The following FAM89A variants were observed in gnomAD, a reference collection of about 807,000 sequenced individuals.
FAM89A encodes protein FAM89A.
In FAM89A, 10 loss-of-function variants were observed where a neutral mutation model predicts 7.1. The observed-to-expected ratio is 1.40, with a 90% confidence interval of 0.86 to 2.38. FAM89A has a LOEUF of 2.38. FAM89A is among the 30% of genes most tolerant of loss of function. The probability of loss-of-function intolerance (pLI) is 0.00; values close to 1 mark genes in which losing one functional copy is unlikely to be tolerated. For missense variants in FAM89A, 276 were observed against 262.8 expected (o/e 1.05, Z -0.35); for synonymous variants, 157 against 129.3 (o/e 1.21, Z -1.45).
chr1:231,023,282 T>C (rs911660417), intron 1 of FAM89A, among the ~76,000 whole-genome samples: 8 of 152,092 alleles, frequency 5.3e-5, no homozygotes, highest in African/African-American at 1.9e-4. Flanking sequence ...GCTCCATAGG[T>C]TATGACTGGT....
Position 231,040,142 on chromosome 1 carries a change from G to A in FAM89A, c.70C>T (p.Leu24=). 1.5e-6 allele frequency: 2 copies of A among 1,336,856 alleles called. No homozygotes were observed. The highest frequency in any genetic ancestry group is 2.7e-5 in the Admixed American group (1 of 37,120). 82.8% of individuals were successfully genotyped at this position (1,336,856 alleles called of 1,614,324 possible). A position where few individuals can be genotyped will look rare whatever the true frequency, so the allele number is the denominator to read the frequency against. The change falls in exon 1 of 2, where the codon CTG becomes TTG. Residue 24 remains leucine (L), a synonymous_variant. Transcript: ENST00000366654. ...GAVRGLRVDG[L]PPLPKSLSGL... ...CTCAAGCTCTTTGGCAGCGGGGGCA[G>A]CCCGTCCACCCGCAGCCCCCGGACC...
At chr1:231,023,966 A>G (rs1314373585) in intron 1 of FAM89A, among the ~76,000 whole-genome samples, 1 of 152,250 alleles carries the variant, frequency 6.6e-6, no homozygotes, top group East Asian at 1.9e-4. Flanking sequence ...GTTAATTATA[A>G]AAGTTGTGTA....
At position 231,039,901 on chromosome 1, in the gene FAM89A, G is replaced by C. The variant is rs1219608400; in HGVS notation, c.291+20C>G. On this transcript the variant is annotated intron_variant, in intron 1 of 1. Coordinates refer to ENST00000366654, the MANE Select transcript of FAM89A (RefSeq NM_198552.3). ...GCGAGCCCGGCCGGGAAGAGCCCCAGCTCGCGGAGCCCCACTCACCATCTC... is the reference window on the plus strand; with the variant it reads ...GCGAGCCCGGCCGGGAAGAGCCCCACCTCGCGGAGCCCCACTCACCATCTC... 4.6e-6 allele frequency: 6 copies of C among 1,290,512 alleles called. No homozygotes were observed. The highest frequency in any genetic ancestry group is 5.9e-6 in the Non-Finnish European group (6 of 1,020,846). 79.9% of individuals were successfully genotyped at this position (1,290,512 alleles called of 1,614,324 possible).
chr1:231,029,083 A>C (rs2103073673), intron 1 of FAM89A, among the ~76,000 whole-genome samples: 1 of 152,354 alleles, frequency 6.6e-6, no homozygotes, highest in South Asian at 2.1e-4. Flanking sequence ...GGACAATAGA[A>C]ATATGACCAC....
At chr1:231,036,935 C>T (rs1466998579) in intron 1 of FAM89A, among the ~76,000 whole-genome samples, 4 of 152,244 alleles carry the variant, frequency 2.6e-5, no homozygotes, top group Admixed American at 6.5e-5. Flanking sequence ...GCTTCAAAAC[C>T]TTGCTAACTG....
At chr1:231,038,612 T>C (rs922798118) in intron 1 of FAM89A, among the ~76,000 whole-genome samples, 3 of 152,260 alleles carry the variant, frequency 2.0e-5, no homozygotes, top group Non-Finnish European at 4.4e-5. Flanking sequence ...AACGGTTGGC[T>C]TGGAATTTAA....
At chr1:231,028,954 C>T (rs1680022398) in intron 1 of FAM89A, among the ~76,000 whole-genome samples, 1 of 152,194 alleles carries the variant, frequency 6.6e-6, no homozygotes, top group African/African-American at 2.4e-5. Flanking sequence ...ACAGTAGGCT[C>T]CACATACAAA....
intron 1 of FAM89A, among the ~76,000 whole-genome samples, chr1:231,032,172 A>G (rs1680081900): frequency 6.6e-6 from 1 of 152,232 alleles, no homozygotes; most frequent in East Asian, 1.9e-4. Flanking sequence ...TACTGCAAAC[A>G]TTTTACATCC....
chr1:231,037,615 A>G (rs751205320), intron 1 of FAM89A, among the ~76,000 whole-genome samples: 22 of 152,148 alleles, frequency 1.4e-4, no homozygotes, highest in Non-Finnish European at 2.8e-4. Context: ...TTCAAAGTCC[A>G]ACTGGGATAA....
At chr1:231,035,037 C>T (rs912085313) in intron 1 of FAM89A, among the ~76,000 whole-genome samples, 1 of 152,184 alleles carries the variant, frequency 6.6e-6, no homozygotes, top group African/African-American at 2.4e-5. Flanking sequence ...TCCCCTTATT[C>T]TAAATGGCAC....
chr1:231,023,514 T>G (rs1679915290), intron 1 of FAM89A, among the ~76,000 whole-genome samples: 1 of 152,218 alleles, frequency 6.6e-6, no homozygotes, highest in South Asian at 2.1e-4. Context: ...GTGAAACATC[T>G]TCAGGGTGGG....
At chr1:231,025,036 C>G (rs1679941024) in intron 1 of FAM89A, among the ~76,000 whole-genome samples, 1 of 150,476 alleles carries the variant, frequency 6.6e-6, no homozygotes, top group Non-Finnish European at 1.5e-5. Context: ...CATTCTCCTG[C>G]CTCAGCCTCC....
At chr1:231,039,070 C>T (rs1680206034) in intron 1 of FAM89A, among the ~76,000 whole-genome samples, 1 of 152,164 alleles carries the variant, frequency 6.6e-6, no homozygotes, top group Non-Finnish European at 1.5e-5. Flanking sequence ...GCCTGGCCTA[C>T]GCCTGGCCGA....
intron 1 of FAM89A, among the ~76,000 whole-genome samples, chr1:231,035,777 T>C (rs1572358562): frequency 6.6e-6 from 1 of 152,212 alleles, no homozygotes; most frequent in East Asian, 1.9e-4. Flanking sequence ...AAAGTATTTT[T>C]ATATAGAACG....
At chr1:231,035,882 T>G (rs1680150378) in intron 1 of FAM89A, among the ~76,000 whole-genome samples, 1 of 152,234 alleles carries the variant, frequency 6.6e-6, no homozygotes, top group South Asian at 2.1e-4. Context: ...TCCATCCACA[T>G]GCTCACACCA....
chr1:231,034,413 T>A (rs766317139), intron 1 of FAM89A, among the ~76,000 whole-genome samples: 1 of 152,214 alleles, frequency 6.6e-6, no homozygotes, highest in Non-Finnish European at 1.5e-5. Context: ...CATAGTTTAT[T>A]AACACCAAAT....
At chr1:231,026,882 G>A (rs922242557) in intron 1 of FAM89A, 1 of 152,062 alleles carries the variant, frequency 6.6e-6, no homozygotes, top group Non-Finnish European at 1.5e-5. Context: ...GGGTCACATA[G>A]TATGTGCTCA....
chr1:231,024,019 T>A (rs552393962), intron 1 of FAM89A, among the ~76,000 whole-genome samples: 68 of 152,344 alleles, frequency 4.5e-4, no homozygotes, highest in Middle Eastern at 3.4e-3. Flanking sequence ...AAAAATGTGT[T>A]TTGTTTCTAC....
At chr1:231,021,171 C>T (rs1679871025) in intron 1 of FAM89A, among the ~76,000 whole-genome samples, 1 of 152,238 alleles carries the variant, frequency 6.6e-6, no homozygotes, top group Admixed American at 6.5e-5. Flanking sequence ...CGGGAAGAAA[C>T]TCAAGAAGAC....
Sources: gnomAD v4.1 joint callset for allele counts (sites outside exome capture counted in the v4.1 genomes callset) on GRCh38, gnomAD v4.1.1 for gene constraint, MANE v1.5 for transcripts, NCBI Gene and HGNC (gene_info 2026-07-23, HGNC 2026-07-21) for gene names.